REDIC1: variants seen among roughly 807,000 people sequenced by gnomAD.
REDIC1 encodes HEI10 Interacting Protein 1.
chr12:39,878,680 A>T, the REDIC1 span, among the ~76,000 whole-genome samples: 1 of 152,242 alleles, frequency 6.6e-6, no homozygotes, highest in Non-Finnish European at 1.5e-5. Context: ...GCTTATATTT[A>T]TAAGGTAGGC....
At chr12:39,793,168 A>G in the REDIC1 span, among the ~76,000 whole-genome samples, 1 of 152,188 alleles carries the variant, frequency 6.6e-6, no homozygotes, top group Non-Finnish European at 1.5e-5. Flanking sequence ...AGATTGGCAC[A>G]TTAAAACCTA....
chr12:39,892,964 A>T, the REDIC1 span, among the ~76,000 whole-genome samples: 5 of 152,336 alleles, frequency 3.3e-5, no homozygotes, highest in African/African-American at 1.2e-4. Context: ...AAACCATATA[A>T]TCAGAAATAA....
the REDIC1 span, among the ~76,000 whole-genome samples, chr12:39,714,537 G>A: frequency 6.6e-6 from 1 of 151,316 alleles, no homozygotes; most frequent in South Asian, 2.1e-4. Context: ...TATCTTTTTT[G>A]AATTTTTTGA....
chr12:39,723,281 C>A, the REDIC1 span, among the ~76,000 whole-genome samples: 1 of 152,196 alleles, frequency 6.6e-6, no homozygotes, highest in African/African-American at 2.4e-5. Context: ...TCCGTGAGTC[C>A]TTCTAACGAA....
the REDIC1 span, among the ~76,000 whole-genome samples, chr12:39,773,922 AC>A: frequency 2.0e-5 from 3 of 152,182 alleles, no homozygotes; most frequent in Admixed American, 1.3e-4. Flanking sequence ...GGCTTACTGC[AC>A]AAGCTTGCTA....
the REDIC1 span, chr12:39,819,837 TCAAAGC>T: frequency 6.4e-6 from 1 of 155,438 alleles, no homozygotes; most frequent in African/African-American, 2.4e-5. Flanking sequence ...TAGCACAAAG[TCAAAGC>T]CAAAGGAACT....
chr12:39,817,384 A>G, the REDIC1 span, among the ~76,000 whole-genome samples: 1 of 128,674 alleles, frequency 7.8e-6, no homozygotes, highest in African/African-American at 2.6e-5. Flanking sequence ...TACTGTTTCC[A>G]TTTAGGATGG....
chr12:39,799,165 C>A, the REDIC1 span, among the ~76,000 whole-genome samples: 6 of 150,752 alleles, frequency 4.0e-5, no homozygotes, highest in Non-Finnish European at 8.8e-5. Context: ...TCACTGCAAC[C>A]TCCGCCTCCC....
the REDIC1 span, among the ~76,000 whole-genome samples, chr12:39,896,546 GTGTATACA>G: frequency 2.1e-5 from 3 of 141,110 alleles, no homozygotes; most frequent in Admixed American, 1.5e-4. Flanking sequence ...GTATGTATGT[GTGTATACA>G]TGTATACATA....
At chr12:39,659,108 A>G in the REDIC1 span, among the ~76,000 whole-genome samples, 2 of 151,966 alleles carry the variant, frequency 1.3e-5, no homozygotes, top group African/African-American at 2.4e-5. Context: ...ATCTTTGTAT[A>G]TTTGCAAATT....
chr12:39,806,813 AT>A, the REDIC1 span, among the ~76,000 whole-genome samples: 1 of 152,212 alleles, frequency 6.6e-6, no homozygotes, highest in Non-Finnish European at 1.5e-5. Flanking sequence ...AGGAGTTAAA[AT>A]TGGAAACAAC....
At chr12:39,669,466 G>A in the REDIC1 span, among the ~76,000 whole-genome samples, 1 of 152,186 alleles carries the variant, frequency 6.6e-6, no homozygotes, top group African/African-American at 2.4e-5. Flanking sequence ...TGCCCCTACT[G>A]GGGGGTGCAT....
the REDIC1 span, among the ~76,000 whole-genome samples, chr12:39,666,366 G>A: frequency 2.6e-5 from 4 of 152,186 alleles, no homozygotes; most frequent in Admixed American, 6.5e-5. Context: ...GCTGGATTAC[G>A]TTTATTGATT....
the REDIC1 span, among the ~76,000 whole-genome samples, chr12:39,710,460 G>A: frequency 1.4e-4 from 21 of 150,100 alleles, no homozygotes; most frequent in South Asian, 2.9e-3. Flanking sequence ...TCAGTTAATC[G>A]TCTAACTGAC....
At chr12:39,836,258 G>A in the REDIC1 span, among the ~76,000 whole-genome samples, 1 of 152,136 alleles carries the variant, frequency 6.6e-6, no homozygotes, top group African/African-American at 2.4e-5. Flanking sequence ...ACTGTGGGAT[G>A]TGAGTGCTGG....
the REDIC1 span, among the ~76,000 whole-genome samples, chr12:39,703,753 C>T: frequency 6.6e-6 from 1 of 152,206 alleles, no homozygotes; most frequent in East Asian, 1.9e-4. Context: ...TGGAACAGAA[C>T]AGAGCCCTCA....
chr12:39,894,851 G>C, the REDIC1 span, among the ~76,000 whole-genome samples: 1 of 151,598 alleles, frequency 6.6e-6, no homozygotes, highest in Admixed American at 6.6e-5. Context: ...AAAAGTCAAA[G>C]AAAAAAGGGA....
chr12:39,870,813 A>C, the REDIC1 span, among the ~76,000 whole-genome samples: 1,434 of 152,238 alleles, frequency 9.4e-3, 16 homozygotes, highest in Non-Finnish European at 0.015. Context: ...TCTACTCTTC[A>C]TTCTGGAATG....
At chr12:39,662,678 G>A in the REDIC1 span, among the ~76,000 whole-genome samples, 1 of 152,034 alleles carries the variant, frequency 6.6e-6, no homozygotes, top group Admixed American at 6.6e-5. Context: ...TTGAATAGGA[G>A]TGGTGAAAGA....
Sources: allele counts gnomAD v4.1 joint callset (sites outside exome capture counted in the v4.1 genomes callset), GRCh38; gene constraint gnomAD v4.1.1; transcripts MANE v1.5; gene names NCBI Gene and HGNC (gene_info 2026-07-23, HGNC 2026-07-21).